CAB39L: variants seen among roughly 807,000 people sequenced by gnomAD.
CAB39L encodes the protein calcium binding protein 39 like, also known as calcium-binding protein 39-like.
CAB39L carries 23 observed loss-of-function variants against 39.1 expected under a neutral mutation model. The observed-to-expected ratio is 0.59, with a 90% CI of 0.42 to 0.83. CAB39L has a LOEUF of 0.83. CAB39L is among the 40% of genes least tolerant of loss of function. CAB39L has a pLI of 0.00. For synonymous variants in CAB39L, 126 were observed against 137.2 expected (o/e 0.92, Z 0.57); for missense variants, 366 against 391.9 (o/e 0.93, Z 0.56).
At chr13:49,427,133 G>T (rs1021980934) in intron 3 of CAB39L, among the ~76,000 whole-genome samples, 5 of 152,098 alleles carry the variant, frequency 3.3e-5, no homozygotes, top group African/African-American at 1.2e-4. Context: ...AGTTCATTAT[G>T]TGCATTCTAG....
At chr13:49,318,850 T>C (rs1954265088) in intron 10 of CAB39L, among the ~76,000 whole-genome samples, 6 of 151,742 alleles carry the variant, frequency 4.0e-5, no homozygotes. Flanking sequence ...AGCAGCACTA[T>C]TTACAATAGC....
At chr13:49,366,459 T>C (rs957964488) in intron 5 of CAB39L, among the ~76,000 whole-genome samples, 2 of 150,542 alleles carry the variant, frequency 1.3e-5, no homozygotes, top group African/African-American at 4.9e-5. Flanking sequence ...AAACCCCGTC[T>C]CTACTAAAAA....
intron 9 of CAB39L, among the ~76,000 whole-genome samples, chr13:49,338,564 G>A (rs1293934384): frequency 6.6e-6 from 1 of 151,770 alleles, no homozygotes; most frequent in Non-Finnish European, 1.5e-5. Flanking sequence ...TGACGAGTTA[G>A]TGGGTGCAGT....
intron 10 of CAB39L, among the ~76,000 whole-genome samples, chr13:49,315,652 C>T (rs929268876): frequency 5.3e-5 from 8 of 151,868 alleles, no homozygotes; most frequent in Admixed American, 5.3e-4. Context: ...CGTGGGAGGC[C>T]AAGGCGGGCG....
At chr13:49,350,477 T>C (rs1482653213) in intron 7 of CAB39L, among the ~76,000 whole-genome samples, 1 of 152,230 alleles carries the variant, frequency 6.6e-6, no homozygotes, top group African/African-American at 2.4e-5. Flanking sequence ...CACAGAGCAC[T>C]ACATATTCCT....
intron 3 of CAB39L, among the ~76,000 whole-genome samples, chr13:49,405,193 G>C (rs934165372): frequency 6.6e-6 from 1 of 151,784 alleles, no homozygotes; most frequent in Non-Finnish European, 1.5e-5. Flanking sequence ...GAAAAGAAAA[G>C]AATAACATAT....
intron 4 of CAB39L, among the ~76,000 whole-genome samples, chr13:49,378,467 T>C: frequency 1.8e-5 from 1 of 56,876 alleles, no homozygotes; most frequent in Non-Finnish European, 3.3e-5. Context: ...GGGGTGCCTC[T>C]GCCCGGCCAC....
intron 3 of CAB39L, among the ~76,000 whole-genome samples, chr13:49,395,988 G>T (rs1465047800): frequency 1.3e-5 from 2 of 151,592 alleles, no homozygotes; most frequent in African/African-American, 4.9e-5. Flanking sequence ...TTTGAGGCCA[G>T]GTGCGGTAGC....
intron 9 of CAB39L, among the ~76,000 whole-genome samples, chr13:49,337,051 C>A (rs1593936019): frequency 6.6e-6 from 1 of 152,274 alleles, no homozygotes; most frequent in Non-Finnish European, 1.5e-5. Flanking sequence ...CATTAACACC[C>A]AGTGAGGGTA....
intron 6 of CAB39L, among the ~76,000 whole-genome samples, chr13:49,354,201 C>A (rs926727654): frequency 6.6e-6 from 1 of 152,172 alleles, no homozygotes; most frequent in Non-Finnish European, 1.5e-5. Context: ...TTTTAAAAAA[C>A]CAAGACTCCT....
intron 5 of CAB39L, among the ~76,000 whole-genome samples, chr13:49,374,226 CTTA>C (rs1035809655): frequency 1.3e-5 from 2 of 152,016 alleles, no homozygotes; most frequent in Admixed American, 6.6e-5. Context: ...AATTGCCTAT[CTTA>C]TTATCACAAT....
chr13:49,347,214 T>C (rs1432294696), intron 7 of CAB39L, among the ~76,000 whole-genome samples: 2 of 152,224 alleles, frequency 1.3e-5, no homozygotes, highest in South Asian at 2.1e-4. Context: ...TTTATGATTA[T>C]TTAGATTTTA....
At chr13:49,339,293 G>A (rs1954936781) in intron 9 of CAB39L, among the ~76,000 whole-genome samples, 1 of 151,950 alleles carries the variant, frequency 6.6e-6, no homozygotes, top group Admixed American at 6.6e-5. Context: ...ACCACGCCCA[G>A]CTAATTTTTG....
chr13:49,442,804 A>AAACAAAAC (rs1555268544), intron 1 of CAB39L, among the ~76,000 whole-genome samples: 3 of 149,074 alleles, frequency 2.0e-5, no homozygotes, highest in Admixed American at 6.6e-5. Flanking sequence ...AAAAAAAAAA[A>AAACAAAAC]AAAAAAAAAA....
chr13:49,311,593 A>T (rs1166493615), intron 10 of CAB39L, among the ~76,000 whole-genome samples: 1 of 152,138 alleles, frequency 6.6e-6, no homozygotes, highest in Admixed American at 6.5e-5. Context: ...TTCCAGGGGG[A>T]CAAGATGTGG....
chr13:49,389,166 T>C lies in CAB39L; in HGVS notation c.-31-6225A>G, dbSNP rs182473745. On this transcript the variant is annotated intron_variant, in intron 3 of 10. Coordinates refer to ENST00000409308, the MANE Select transcript of CAB39L (RefSeq NM_001079670.3). ...ACTATAAGAAACGGTGTGGATGATA[T>C]GCCAAAAATAAAAATGGAACTACCA... Among the ~76,000 whole-genome samples the C allele has an allele frequency of 1.4e-4, 22 of 152,264 alleles. No homozygotes were observed. In the East Asian group the frequency reaches 4.2e-3, roughly 29 times the overall value.
intron 3 of CAB39L, among the ~76,000 whole-genome samples, chr13:49,431,945 G>A (rs1957332086): frequency 6.6e-6 from 1 of 151,840 alleles, no homozygotes; most frequent in Non-Finnish European, 1.5e-5. Context: ...ATACTACTTG[G>A]CAATAAAAAG....
intron 5 of CAB39L, among the ~76,000 whole-genome samples, chr13:49,369,411 C>T (rs565854846): frequency 7.2e-5 from 11 of 152,296 alleles, no homozygotes; most frequent in South Asian, 4.1e-4. Context: ...TACATGGCAA[C>T]GACATGGATG....
chr13:49,313,247 C>T (rs907800592), intron 10 of CAB39L, among the ~76,000 whole-genome samples: 5 of 151,964 alleles, frequency 3.3e-5, no homozygotes, highest in African/African-American at 4.8e-5. Context: ...TTTGGGAGGC[C>T]GAGGTGGGCG....
Sources: gnomAD v4.1 joint callset for allele counts (sites outside exome capture counted in the v4.1 genomes callset) on GRCh38, gnomAD v4.1.1 for gene constraint, MANE v1.5 for transcripts, NCBI Gene and HGNC (gene_info 2026-07-23, HGNC 2026-07-21) for gene names.